The following UBE2E2 variants were observed in gnomAD, a reference collection of about 807,000 sequenced individuals.
UBE2E2 encodes the protein ubiquitin-conjugating enzyme E2 E2.
Under a neutral mutation model 24.7 loss-of-function variants are expected in UBE2E2, and 6 were observed. The observed-to-expected ratio is 0.24, with a 90% CI of 0.13 to 0.48. UBE2E2 has a LOEUF of 0.48. UBE2E2 is among the 20% of genes least tolerant of loss of function. The pLI, the probability that UBE2E2 is intolerant of heterozygous loss-of-function variation, is 0.99. For synonymous variants in UBE2E2, 104 were observed against 83.6 expected (o/e 1.24, Z -1.33); for missense variants, 169 against 245.0 (o/e 0.69, Z 2.07).
At chr3:23,467,030 G>GA (rs1419041439) in intron 3 of UBE2E2, among the ~76,000 whole-genome samples, 1 of 152,146 alleles carries the variant, frequency 6.6e-6, no homozygotes, top group African/African-American at 2.4e-5. Flanking sequence ...TCTTGCTATG[G>GA]AAAAGTCTGA....
chr3:23,291,933 A>T (rs1241151052), intron 3 of UBE2E2, among the ~76,000 whole-genome samples: 2 of 136,132 alleles, frequency 1.5e-5, no homozygotes, highest in African/African-American at 5.6e-5. Flanking sequence ...ATCTCGGCTC[A>T]CTGCAGGCTC....
At chr3:23,562,027 GACTTCC>G (rs1169272285) in intron 5 of UBE2E2, among the ~76,000 whole-genome samples, 3 of 152,174 alleles carry the variant, frequency 2.0e-5, no homozygotes, top group African/African-American at 7.2e-5. Flanking sequence ...GGGACAATTT[GACTTCC>G]TCTTTTCCTA....
At chr3:23,315,414 C>T (rs975399273) in intron 3 of UBE2E2, among the ~76,000 whole-genome samples, 47 of 151,258 alleles carry the variant, frequency 3.1e-4, no homozygotes, top group African/African-American at 1.1e-3. Context: ...GAGACTGATA[C>T]ATTCTTCAGT....
At chr3:23,445,963 A>G (rs988359115) in intron 3 of UBE2E2, among the ~76,000 whole-genome samples, 20 of 152,074 alleles carry the variant, frequency 1.3e-4, no homozygotes, top group Non-Finnish European at 2.8e-4. Flanking sequence ...CAGCATTTTT[A>G]TCCGTCAATG....
In UBE2E2 at chr3:23,482,321, T is replaced by C. The variant is rs1446001009; in HGVS notation, c.228-17287T>C. On this transcript the variant is annotated intron_variant, in intron 3 of 5. Transcript: ENST00000396703. ...ATTTTATCAAGGGAAGTAGAGTTTA[T>C]GAATATACCAAAAGCCAAAAAGTAA... Among the ~76,000 whole-genome samples the C allele has an allele frequency of 3.9e-5, 6 of 152,330 alleles. 1 individual carries two copies. Among genetic ancestry groups the C allele is most frequent in the Admixed American group, 3.9e-4 (6 of 15,306 alleles).
rs757038596 is a variant in UBE2E2 at position 23,407,507 on chromosome 3, C to T, written c.228-92101C>T. On this transcript the variant is annotated intron_variant, in intron 3 of 5. Coordinates refer to ENST00000396703, the MANE Select transcript of UBE2E2 (RefSeq NM_152653.4). This position sits in a 1 kb window ranked among gnomAD's most constrained non-coding sequence, Gnocchi z 4.0. ...ATGTAAAGAATTGATCCCCTGCTCC[C>T]GTACTCATCCCTCTTCTTTCACTAC... 6.6e-6 allele frequency among the ~76,000 whole-genome samples: 1 copy of T among 152,108 alleles called. No homozygotes were observed. The highest frequency in any genetic ancestry group is 2.4e-5 in the African/African-American group (1 of 41,434).
At chr3:23,326,943 G>A (rs1259268421) in intron 3 of UBE2E2, among the ~76,000 whole-genome samples, 2 of 152,024 alleles carry the variant, frequency 1.3e-5, no homozygotes, top group Admixed American at 6.6e-5. Flanking sequence ...CTGTCCTTGC[G>A]ATAGTTTGCT....
chr3:23,422,972 C>T (rs1212437502), intron 3 of UBE2E2, among the ~76,000 whole-genome samples: 1 of 152,162 alleles, frequency 6.6e-6, no homozygotes, highest in Admixed American at 6.5e-5. Context: ...ATCACCTTCC[C>T]ATACTAGGAA....
At chr3:23,522,232 G>A (rs377231130) in intron 4 of UBE2E2, among the ~76,000 whole-genome samples, 1 of 150,932 alleles carries the variant, frequency 6.6e-6, no homozygotes, top group Non-Finnish European at 1.5e-5. Flanking sequence ...CCGGGTTCGC[G>A]CCGTTCTCCT....
At chr3:23,360,714 TG>T (rs1179487504) in intron 3 of UBE2E2, among the ~76,000 whole-genome samples, 1 of 152,088 alleles carries the variant, frequency 6.6e-6, no homozygotes, top group Non-Finnish European at 1.5e-5. Context: ...ATCATTCCTC[TG>T]GGATTTTACC....
intron 1 of UBE2E2, among the ~76,000 whole-genome samples, chr3:23,204,485 C>T (rs1458966695): frequency 6.6e-6 from 1 of 152,140 alleles, no homozygotes. Flanking sequence ...ATTTTACGCT[C>T]TTCTTAGTTT....
chr3:23,318,207 C>T (rs1331050407), intron 3 of UBE2E2, among the ~76,000 whole-genome samples: 2 of 151,888 alleles, frequency 1.3e-5, no homozygotes, highest in African/African-American at 4.8e-5. Flanking sequence ...CTCTGTCTCC[C>T]AGGCTGGAGT....
intron 3 of UBE2E2, among the ~76,000 whole-genome samples, chr3:23,494,861 A>G (rs1025450287): frequency 2.0e-5 from 3 of 151,846 alleles, no homozygotes; most frequent in African/African-American, 7.3e-5. Flanking sequence ...CCCATCTTCT[A>G]TCTCCTGGGA....
intron 3 of UBE2E2, among the ~76,000 whole-genome samples, chr3:23,343,819 T>G (rs1002898973): frequency 1.3e-5 from 2 of 152,232 alleles, no homozygotes; most frequent in Non-Finnish European, 2.9e-5. Flanking sequence ...TATACAGTAC[T>G]ACTTTCCTAT....
chr3:23,383,818 T>C (rs1696738931), intron 3 of UBE2E2, among the ~76,000 whole-genome samples: 1 of 152,044 alleles, frequency 6.6e-6, no homozygotes, highest in African/African-American at 2.4e-5. Flanking sequence ...TCTTTGTTAT[T>C]GTACCAATAT....
Position 23,261,846 on chromosome 3 carries a change from C to G in UBE2E2, c.227+44534C>G, listed in dbSNP as rs569024830. The stretch of plus-strand genomic sequence containing the variant: ...ATATTCCATTTTATTGATATATACA[C>G]ACACTGAATTTTCTTTATTCATTTA... On this transcript the variant is annotated intron_variant, in intron 3 of 5. Transcript: ENST00000396703. Among the ~76,000 whole-genome samples, 8 of 152,230 alleles carry G rather than the reference C, an allele frequency of 5.3e-5. No individual in the cohort carries two copies. The South Asian group carries it at 1.7e-3, about 32-fold the overall frequency.
At chr3:23,361,066 AAT>A (rs1428710360) in intron 3 of UBE2E2, among the ~76,000 whole-genome samples, 4 of 152,318 alleles carry the variant, frequency 2.6e-5, no homozygotes, top group African/African-American at 9.6e-5. Flanking sequence ...AGCCAACAAA[AAT>A]ATGAAGAAAT....
chr3:23,287,365 G>T (rs990077249), intron 3 of UBE2E2, among the ~76,000 whole-genome samples: 1 of 152,148 alleles, frequency 6.6e-6, no homozygotes, highest in African/African-American at 2.4e-5. Flanking sequence ...GATCATTAAG[G>T]ATACTGGCCT....
intron 3 of UBE2E2, among the ~76,000 whole-genome samples, chr3:23,346,757 TAG>T (rs1482457879): frequency 6.6e-6 from 1 of 152,242 alleles, no homozygotes; most frequent in Non-Finnish European, 1.5e-5. Context: ...CTACTCATTA[TAG>T]AGTCATGAAC....
Sources: allele counts gnomAD v4.1 joint callset (sites outside exome capture counted in the v4.1 genomes callset), GRCh38; gene constraint gnomAD v4.1.1; non-coding constraint Gnocchi (gnomAD v3.1); transcripts MANE v1.5; gene names NCBI Gene and HGNC (gene_info 2026-07-23, HGNC 2026-07-21).